Variants in TENM2 observed in about 807,000 individuals in gnomAD.
TENM2 encodes teneurin transmembrane protein 2.
Under a neutral mutation model 245.2 loss-of-function variants are expected in TENM2, and 52 were observed. The ratio of observed to expected loss-of-function variants is 0.21; its 90% CI spans 0.17 to 0.27. The LOEUF is 0.27. TENM2 is among the 10% of genes least tolerant of loss of function. The pLI is 1.00. For missense variants in TENM2, 3,046 were observed against 3,666.8 expected (o/e 0.83, Z 4.37); for synonymous variants, 1,363 against 1,438.9 (o/e 0.95, Z 1.19).
chr5:167,674,522 T>C (rs2150359241), intron 2 of TENM2, among the ~76,000 whole-genome samples: 1 of 152,246 alleles, frequency 6.6e-6, no homozygotes, highest in East Asian at 1.9e-4. Flanking sequence ...AAAGGCAGAA[T>C]TGCAGTAAAG....
At chr5:167,128,424 GA>G in the TENM2 span, among the ~76,000 whole-genome samples, 2 of 151,988 alleles carry the variant, frequency 1.3e-5, no homozygotes, top group Non-Finnish European at 2.9e-5. Context: ...TTAAAACTCA[GA>G]CGGCTGATTC....
At chr5:166,979,450 C>A in the TENM2 span, among the ~76,000 whole-genome samples, 2 of 152,132 alleles carry the variant, frequency 1.3e-5, no homozygotes, top group Admixed American at 1.3e-4. Flanking sequence ...CCAAAGCGAG[C>A]TGGGACCGAA....
At chr5:167,251,598 T>C in the TENM2 span, among the ~76,000 whole-genome samples, 1 of 152,146 alleles carries the variant, frequency 6.6e-6, no homozygotes, top group Non-Finnish European at 1.5e-5. Context: ...ACACTCAAGA[T>C]ATCATACAGC....
chr5:167,776,711 CT>C (rs1763831397), intron 2 of TENM2, among the ~76,000 whole-genome samples: 1 of 143,288 alleles, frequency 7.0e-6, no homozygotes, highest in Admixed American at 7.2e-5. Context: ...CAGGGCCAAC[CT>C]TTCTCTTTGA....
the TENM2 span, among the ~76,000 whole-genome samples, chr5:167,144,320 A>T: frequency 6.6e-6 from 1 of 152,186 alleles, no homozygotes; most frequent in Non-Finnish European, 1.5e-5. Flanking sequence ...ACAGGTGGCA[A>T]TGAATTCAGA....
intron 10 of TENM2, among the ~76,000 whole-genome samples, chr5:168,124,146 C>A (rs1391304293): frequency 6.6e-6 from 1 of 152,182 alleles, no homozygotes; most frequent in Non-Finnish European, 1.5e-5. Context: ...AAGGTCAGTG[C>A]CTCAGCCAGA....
chr5:167,219,361 A>G, the TENM2 span, among the ~76,000 whole-genome samples: 1 of 152,080 alleles, frequency 6.6e-6, no homozygotes, highest in South Asian at 2.1e-4. Flanking sequence ...CAAAACAAAC[A>G]AAACGTGGAT....
chr5:167,973,816 T>TG (rs1781985222), intron 4 of TENM2, among the ~76,000 whole-genome samples: 1 of 152,014 alleles, frequency 6.6e-6, no homozygotes, highest in African/African-American at 2.4e-5. Context: ...GGTCACCTTC[T>TG]GGGTGCAGTC....
chr5:167,131,673 G>A, the TENM2 span, among the ~76,000 whole-genome samples: 1,824 of 152,174 alleles, frequency 0.012, 25 homozygotes, highest in African/African-American at 0.04. Flanking sequence ...AGAGCAAAAT[G>A]TCACCCCATT....
intron 27 of TENM2, among the ~76,000 whole-genome samples, chr5:168,259,875 C>T (rs992037150): frequency 2.3e-4 from 35 of 152,166 alleles, no homozygotes; most frequent in African/African-American, 7.7e-4. Flanking sequence ...CCAGGCACTG[C>T]GAAAAGCCTT....
chr5:167,554,355 G>A (rs560520964), intron 2 of TENM2, among the ~76,000 whole-genome samples: 40 of 152,180 alleles, frequency 2.6e-4, no homozygotes, highest in Non-Finnish European at 4.1e-4. Flanking sequence ...GTTTTTAAAA[G>A]GAGTGATGAT....
At chr5:168,255,859 G>A (rs1453145027) in intron 27 of TENM2, among the ~76,000 whole-genome samples, 2 of 152,044 alleles carry the variant, frequency 1.3e-5, no homozygotes, top group East Asian at 3.9e-4. Flanking sequence ...AGGCTGGAGT[G>A]CAGTGGCATA....
chr5:167,408,663 G>C (rs1222220629), intron 2 of TENM2, among the ~76,000 whole-genome samples: 1 of 151,772 alleles, frequency 6.6e-6, no homozygotes, highest in Non-Finnish European at 1.5e-5. Flanking sequence ...TCAGTCTTTA[G>C]TTAATAATAG....
intron 2 of TENM2, among the ~76,000 whole-genome samples, chr5:167,432,163 G>A (rs1345923953): frequency 5.3e-5 from 8 of 151,250 alleles, no homozygotes; most frequent in Admixed American, 5.3e-4. Flanking sequence ...GGAGAGATTC[G>A]CAATATGGGA....
At chr5:167,563,133 A>C (rs1773703041) in intron 2 of TENM2, among the ~76,000 whole-genome samples, 1 of 152,064 alleles carries the variant, frequency 6.6e-6, no homozygotes, top group African/African-American at 2.4e-5. Flanking sequence ...CAAGCCTCAG[A>C]TATATTTGGC....
intron 10 of TENM2, among the ~76,000 whole-genome samples, chr5:168,120,723 A>G (rs1003783318): frequency 6.6e-6 from 1 of 152,260 alleles, no homozygotes; most frequent in African/African-American, 2.4e-5. Flanking sequence ...TGTTTTCAAA[A>G]TAGGAAATGG....
At chr5:167,522,278 A>G (rs1483966241) in intron 2 of TENM2, among the ~76,000 whole-genome samples, 1 of 152,190 alleles carries the variant, frequency 6.6e-6, no homozygotes, top group East Asian at 1.9e-4. Context: ...GATTCAGGGC[A>G]TGACAATACT....
chr5:167,425,452 G>T (rs1763755822), intron 2 of TENM2, among the ~76,000 whole-genome samples: 1 of 152,102 alleles, frequency 6.6e-6, no homozygotes, highest in Non-Finnish European at 1.5e-5. Context: ...CTCAGTGAGG[G>T]CTTACTATGT....
At chr5:168,146,628 C>G (rs1197254998) in intron 12 of TENM2, among the ~76,000 whole-genome samples, 1 of 152,180 alleles carries the variant, frequency 6.6e-6, no homozygotes, top group African/African-American at 2.4e-5. Context: ...TTATTGAGTA[C>G]TAATGACAGA....
Sources: gnomAD v4.1 joint callset for allele counts (sites outside exome capture counted in the v4.1 genomes callset) on GRCh38, gnomAD v4.1.1 for gene constraint, MANE v1.5 for transcripts, NCBI Gene and HGNC (gene_info 2026-07-23, HGNC 2026-07-21) for gene names.